ZNF804A: variants seen among roughly 807,000 people sequenced by gnomAD.
ZNF804A encodes zinc finger protein 804A.
ZNF804A carries 2 observed loss-of-function variants against 16.5 expected under a neutral mutation model. The ratio of observed to expected loss-of-function variants is 0.12; its 90% CI spans 0.05 to 0.38. ZNF804A has a LOEUF of 0.38. ZNF804A is among the 10% of genes least tolerant of loss of function. The pLI, the probability that ZNF804A is intolerant of heterozygous loss-of-function variation, is 0.99. For synonymous variants in ZNF804A, 534 were observed against 489.6 expected (o/e 1.09, Z -1.20); for missense variants, 1,473 against 1,390.7 (o/e 1.06, Z -0.94).
intron 1 of ZNF804A, among the ~76,000 whole-genome samples, chr2:184,830,069 C>G (rs1018877362): frequency 2.3e-4 from 35 of 151,186 alleles, no homozygotes; most frequent in Middle Eastern, 3.2e-3. Flanking sequence ...GTACTCTAGC[C>G]TGGGTGCCAG....
chr2:184,933,005 TCAG>T (rs1685726756), intron 2 of ZNF804A, among the ~76,000 whole-genome samples: 1 of 152,072 alleles, frequency 6.6e-6, no homozygotes, highest in Non-Finnish European at 1.5e-5. Context: ...TTAAACCACA[TCAG>T]GAGAGATCAT....
chr2:184,925,163 G>A (rs1685590955), intron 2 of ZNF804A, among the ~76,000 whole-genome samples: 1 of 151,906 alleles, frequency 6.6e-6, no homozygotes, highest in Non-Finnish European at 1.5e-5. Context: ...ATTGTACTGA[G>A]GTGTAGCTCT....
rs563188821 is a variant in ZNF804A at position 184,780,112 on chromosome 2, A to G, written c.112-86257A>G. On this transcript the variant is annotated intron_variant, in intron 1 of 3. Transcript: ENST00000302277. ...AGACTGTGTGATATCTCCATTATAA[A>G]GTCTACCTAATACTGATTAAGGTAT... Among the ~76,000 whole-genome samples the G allele has an allele frequency of 5.9e-5, 9 of 151,968 alleles. No individual in the cohort carries two copies. In the East Asian group the frequency reaches 1.2e-3, roughly 20 times the overall value.
chr2:184,899,988 T>C (rs1227866286), intron 2 of ZNF804A, among the ~76,000 whole-genome samples: 1 of 152,028 alleles, frequency 6.6e-6, no homozygotes, highest in Non-Finnish European at 1.5e-5. Context: ...AAGTAGCAAA[T>C]ACTAAAAAAT....
chr2:184,903,602 T>A (rs75668619), intron 2 of ZNF804A, among the ~76,000 whole-genome samples: 8,559 of 152,112 alleles, frequency 0.056, 825 homozygotes, highest in African/African-American at 0.19. Context: ...AGTATAAGAG[T>A]TTGTAACATT....
At chr2:184,757,010 A>G (rs1356269480) in intron 1 of ZNF804A, among the ~76,000 whole-genome samples, 10 of 151,996 alleles carry the variant, frequency 6.6e-5, no homozygotes, top group Admixed American at 6.6e-4. Flanking sequence ...GTTTTCCTCT[A>G]CGTCTGGTTT....
chr2:184,627,663 A>G (rs1341152601), intron 1 of ZNF804A, among the ~76,000 whole-genome samples: 1 of 152,226 alleles, frequency 6.6e-6, no homozygotes, highest in Non-Finnish European at 1.5e-5. Flanking sequence ...CAGAAAATAT[A>G]CTATTTAAAT....
intron 1 of ZNF804A, among the ~76,000 whole-genome samples, chr2:184,706,517 G>T (rs1693033370): frequency 6.6e-6 from 1 of 152,150 alleles, no homozygotes; most frequent in Admixed American, 6.5e-5. Context: ...TTGATAGAGA[G>T]CTGCTGATAA....
chr2:184,795,150 G>C (rs1209532822), intron 1 of ZNF804A, among the ~76,000 whole-genome samples: 4 of 151,930 alleles, frequency 2.6e-5, no homozygotes, highest in African/African-American at 9.7e-5. Context: ...AGTTTCTCCA[G>C]GGTAGACCAT....
At chr2:184,853,541 A>G (rs1247982890) in intron 1 of ZNF804A, among the ~76,000 whole-genome samples, 2 of 151,884 alleles carry the variant, frequency 1.3e-5, no homozygotes, top group Admixed American at 1.3e-4. Context: ...TTTGTCATAC[A>G]TGGCCTTCAT....
intron 1 of ZNF804A, among the ~76,000 whole-genome samples, chr2:184,813,276 T>G (rs1694929075): frequency 6.6e-6 from 1 of 152,138 alleles, no homozygotes; most frequent in Non-Finnish European, 1.5e-5. Flanking sequence ...ACTCAAAGTC[T>G]TTATAATCTA....
intron 1 of ZNF804A, among the ~76,000 whole-genome samples, chr2:184,676,652 G>A (rs1310969243): frequency 6.6e-6 from 1 of 151,570 alleles, no homozygotes; most frequent in Non-Finnish European, 1.5e-5. Context: ...TTTTCTGAAA[G>A]CTGTTTGTAG....
At chr2:184,882,672 G>A (rs561108378) in intron 2 of ZNF804A, among the ~76,000 whole-genome samples, 78 of 152,122 alleles carry the variant, frequency 5.1e-4, no homozygotes, top group Non-Finnish European at 7.8e-4. Context: ...AAATTAAACA[G>A]CCTGCTCCTG....
At chr2:184,844,135 T>C (rs1443975216) in intron 1 of ZNF804A, among the ~76,000 whole-genome samples, 2 of 152,080 alleles carry the variant, frequency 1.3e-5, no homozygotes, top group Non-Finnish European at 1.5e-5. Flanking sequence ...ATAGTTCATA[T>C]GTAGTGTGGA....
chr2:184,747,147 G>A (rs1693801159), intron 1 of ZNF804A, among the ~76,000 whole-genome samples: 1 of 150,784 alleles, frequency 6.6e-6, no homozygotes, highest in South Asian at 2.1e-4. Context: ...TACTTTTCAA[G>A]AAGTAGAGAA....
chr2:184,907,835 T>A lies in ZNF804A; in HGVS notation c.256-25768T>A, dbSNP rs190989645. On this transcript the variant is annotated intron_variant, in intron 2 of 3. Transcript: ENST00000302277. ...GTTTGAGAAACATTGTCATGTTTTT[T>A]ATTTTGATTTTCCAAAAAATATAAA... is the stretch of plus-strand genomic sequence containing the variant. Among the ~76,000 whole-genome samples, 532 of 152,306 alleles carry A rather than the reference T, an allele frequency of 3.5e-3. 5 individuals carry two copies. The highest frequency in any genetic ancestry group is 9.5e-3 in the Admixed American group (145 of 15,270).
In ZNF804A at chr2:184,856,964, T is replaced by TC. The variant is rs1331712068; in HGVS notation, c.112-9405_112-9404insC. Among the ~76,000 whole-genome samples the TC allele has an allele frequency of 2.6e-4, 40 of 152,212 alleles. No homozygotes were observed. The South Asian group carries it at 8.3e-3, about 32-fold the overall frequency. ...ATGTATGTTTATTGTTTTTCTAGTC[T>TC]TTCTCTCATTTGATTTTGTTCTGGT... On this transcript the variant is annotated intron_variant, in intron 1 of 3. Transcript: ENST00000302277.
At chr2:184,813,237 T>C (rs927832241) in intron 1 of ZNF804A, among the ~76,000 whole-genome samples, 1 of 151,178 alleles carries the variant, frequency 6.6e-6, no homozygotes, top group Non-Finnish European at 1.5e-5. Context: ...CTATGATAAT[T>C]AAAAAAAAAG....
chr2:184,773,547 C>G (rs965147922), intron 1 of ZNF804A, among the ~76,000 whole-genome samples: 1 of 151,890 alleles, frequency 6.6e-6, no homozygotes, highest in African/African-American at 2.4e-5. Flanking sequence ...TGAAGTAACT[C>G]AGGAATGGAA....
Sources: gnomAD v4.1 joint callset for allele counts (sites outside exome capture counted in the v4.1 genomes callset) on GRCh38, gnomAD v4.1.1 for gene constraint, MANE v1.5 for transcripts, NCBI Gene and HGNC (gene_info 2026-07-23, HGNC 2026-07-21) for gene names.